Variants in REG4 observed in about 807,000 individuals in gnomAD.
The protein encoded by REG4 is regenerating islet-derived protein 4.
In REG4, 16 loss-of-function variants were observed where a neutral mutation model predicts 22.3. The ratio of observed to expected loss-of-function variants is 0.72; its 90% CI spans 0.49 to 1.09. The LOEUF (loss-of-function observed/expected upper bound fraction) is 1.09, where lower values mean the gene tolerates loss of function less well. Ranked by LOEUF, REG4 falls within the 50% of genes least tolerant of loss-of-function variation. The pLI is 0.00. For synonymous variants in REG4, 71 were observed against 69.2 expected, an observed-to-expected ratio of 1.03 and a Z score of -0.13; for missense variants, 214 against 193.9, an observed-to-expected ratio of 1.10 and a Z score of -0.61.
intron 2 of REG4, 120 bp from the exon 3 acceptor site, chr1:119,803,285 G>C: frequency 9.9e-7 from 1 of 1,006,530 alleles, no homozygotes; most frequent in Non-Finnish European, 1.4e-6. Context: ...GAAGGGTCCT[G>C]CTACACTGCC....
In REG4 at chr1:119,799,772, A is replaced by G; in HGVS notation, c.256T>C (p.Tyr86His). The stretch of plus-strand genomic sequence containing the variant: ...ATCCATATCGGCTGGCTTCTCTGAT[A>G]GCCACTTATGTACTCTGCTATGGTG... Reference protein sequence around the residue: ...ASTIAEYISGYQRSQPIWIGL... With the variant: ...ASTIAEYISGHQRSQPIWIGL... Residue 86 changes from tyrosine (Y) to histidine (H), a missense_variant, in exon 4 of 6, where the codon TAT becomes CAT. Tyr to His is a moderately conservative substitution (Grantham distance 83). Coordinates refer to ENST00000256585, the MANE Select transcript of REG4 (RefSeq NM_032044.4). 1 of 1,614,140 alleles carries G rather than the reference A, an allele frequency of 6.2e-7. No individual in the cohort carries two copies. The highest frequency in any genetic ancestry group is 1.1e-5 in the South Asian group (1 of 91,074).
chr1:119,800,651 C>T (rs1654073029), intron 3 of REG4, among the ~76,000 whole-genome samples: 1 of 152,164 alleles, frequency 6.6e-6, no homozygotes, highest in Non-Finnish European at 1.5e-5. Flanking sequence ...AAGAATAACA[C>T]ACTGTAAATT....
intron 3 of REG4, chr1:119,801,230 A>C (rs1654088734): frequency 1.3e-5 from 2 of 152,238 alleles, no homozygotes; most frequent in African/African-American, 4.8e-5. Flanking sequence ...ACATGACAAG[A>C]AATTGAATTA....
intron 2 of REG4, among the ~76,000 whole-genome samples, chr1:119,806,898 C>T (rs587659006): frequency 6.6e-6 from 1 of 152,306 alleles, no homozygotes; most frequent in South Asian, 2.1e-4. Flanking sequence ...CAATATATGC[C>T]TTCTTCACAC....
chr1:119,800,911 A>G (rs1654079658), intron 3 of REG4, among the ~76,000 whole-genome samples: 1 of 152,156 alleles, frequency 6.6e-6, no homozygotes, highest in East Asian at 1.9e-4. Context: ...CTTTGTTGCA[A>G]CTTTTAAAAC....
At chr1:119,800,336 C>G (rs1265914853) in intron 3 of REG4, among the ~76,000 whole-genome samples, 1 of 152,200 alleles carries the variant, frequency 6.6e-6, no homozygotes. Context: ...GTCAATGAAT[C>G]TATGATACAC....
chr1:119,808,962 C>T, intron 1 of REG4, 99 bp from the exon 2 acceptor site: 1 of 518,028 alleles, frequency 1.9e-6, no homozygotes, highest in Middle Eastern at 4.8e-4. Context: ...TAAATCCAGA[C>T]TTTATAATGA....
intron 3 of REG4, chr1:119,801,757 C>T (rs1557761491): frequency 1.3e-5 from 2 of 152,302 alleles, no homozygotes; most frequent in Non-Finnish European, 2.9e-5. Context: ...TTGAGGGGTC[C>T]TCTTTGGCTT....
At chr1:119,799,957 G>A (rs1654048790) in intron 3 of REG4, 95 bp from the exon 4 acceptor site, 8 of 1,477,694 alleles carry the variant, frequency 5.4e-6, no homozygotes, top group African/African-American at 4.1e-5. Context: ...AGGGACTCAC[G>A]CAGCCCCCAC....
intron 2 of REG4, among the ~76,000 whole-genome samples, chr1:119,804,060 G>T (rs78635003): frequency 0.013 from 1,989 of 152,284 alleles, 45 homozygotes; most frequent in African/African-American, 0.046. Flanking sequence ...TATAAAGAGG[G>T]GGAGATGGCT....
chr1:119,805,886 G>T (rs981499494), intron 2 of REG4, among the ~76,000 whole-genome samples: 1 of 151,862 alleles, frequency 6.6e-6, no homozygotes, highest in African/African-American at 2.4e-5. Flanking sequence ...TGAGCTCCTT[G>T]GTGGAGACAT....
At chr1:119,805,258 G>A (rs1026446582) in intron 2 of REG4, among the ~76,000 whole-genome samples, 5 of 152,124 alleles carry the variant, frequency 3.3e-5, no homozygotes, top group East Asian at 3.8e-4. Context: ...TAATGACATG[G>A]GCTTAAATTT....
chr1:119,809,490 A>G (rs941793621), intron 1 of REG4, among the ~76,000 whole-genome samples: 4 of 152,214 alleles, frequency 2.6e-5, no homozygotes, highest in Non-Finnish European at 4.4e-5. Context: ...CAAAACTAGA[A>G]AATAAGAAGT....
chr1:119,797,600 A>G (rs1410578740), intron 5 of REG4, among the ~76,000 whole-genome samples: 1 of 152,212 alleles, frequency 6.6e-6, no homozygotes, highest in Non-Finnish European at 1.5e-5. Context: ...ATGATGGCCT[A>G]TTAGACCCAC....
At chr1:119,795,430 C>G (rs781569357) in intron 5 of REG4, among the ~76,000 whole-genome samples, 1 of 152,208 alleles carries the variant, frequency 6.6e-6, no homozygotes, top group Non-Finnish European at 1.5e-5. Flanking sequence ...CACATCCCAA[C>G]AGGCCATCTG....
chr1:119,805,920 A>G (rs587671038), intron 2 of REG4, among the ~76,000 whole-genome samples: 9 of 151,818 alleles, frequency 5.9e-5, no homozygotes, highest in African/African-American at 2.2e-4. Flanking sequence ...TATGCAACCA[A>G]CGGCCGCTCT....
At chr1:119,800,048 T>G (rs1654051044) in intron 3 of REG4, among the ~76,000 whole-genome samples, 186 bp from the exon 4 acceptor site, 1 of 152,182 alleles carries the variant, frequency 6.6e-6, no homozygotes, top group Admixed American at 6.5e-5. Context: ...CAGCGTTCGG[T>G]CTCAGAGAAA....
At chr1:119,800,042 G>A (rs766253399) in intron 3 of REG4, among the ~76,000 whole-genome samples, 180 bp from the exon 4 acceptor site, 10 of 152,162 alleles carry the variant, frequency 6.6e-5, no homozygotes, top group Admixed American at 2.0e-4. Flanking sequence ...CTGCTGCAGC[G>A]TTCGGTCTCA....
chr1:119,805,347 C>T (rs1463357925), intron 2 of REG4, among the ~76,000 whole-genome samples: 1 of 152,110 alleles, frequency 6.6e-6, no homozygotes, highest in Non-Finnish European at 1.5e-5. Flanking sequence ...CAAAGAGGAA[C>T]CCAAATTTCT....
Sources: allele counts gnomAD v4.1 joint callset (sites outside exome capture counted in the v4.1 genomes callset), GRCh38; gene constraint gnomAD v4.1.1; transcripts MANE v1.5; gene names NCBI Gene and HGNC (gene_info 2026-07-23, HGNC 2026-07-21).